Variants in GREP1 observed in about 807,000 individuals in gnomAD.
GREP1 encodes glycine-rich extracellular protein 1.
At chr16:2,996,379 A>AG (rs1351572066) in intron 18 of GREP1, 117 bp from the exon 18 acceptor site, 2 of 397,364 alleles carry the variant, frequency 5.0e-6, no homozygotes, top group East Asian at 3.6e-5. Context: ...TAGGCCTGGG[A>AG]GGGGGAGCCA....
At chr16:2,994,067 C>T (rs2072412304) in intron 10 of GREP1, 1 of 152,448 alleles carries the variant, frequency 6.6e-6, no homozygotes, top group African/African-American at 2.4e-5. Flanking sequence ...CACGCTGGGG[C>T]ATACAGTATG....
chr16:2,995,391 C>G, intron 14 of GREP1, 75 bp downstream of exon 15: 1 of 398,754 alleles, frequency 2.5e-6, no homozygotes, highest in Non-Finnish European at 4.4e-6. Context: ...CCACCTCCAT[C>G]TGTCCCCCAG....
rs2072398081 is a variant in GREP1 at position 2,991,292 on chromosome 16, C to T, written c.322+191C>T. On this transcript the variant is annotated intron_variant, in intron 8 of 34. Coordinates refer to ENST00000573315, the Ensembl canonical transcript of GREP1. This position sits in a 1 kb window ranked among gnomAD's most constrained non-coding sequence, Gnocchi z 4.9. ...AGCCAGGTGAGGCAGAGCCCTGCCC[C>T]GCCTTGCCCACTTATATCCAGGCGC... is the stretch of plus-strand genomic sequence containing the variant. 1.5e-5 allele frequency: 6 copies of T among 394,320 alleles called. No individual in the cohort carries two copies. Among genetic ancestry groups the T allele is most frequent in the Non-Finnish European group, 2.2e-5 (5 of 224,108 alleles). 24.4% of individuals were successfully genotyped at this position (394,320 alleles called of 1,614,324 possible). A position where few individuals can be genotyped will look rare whatever the true frequency, so the allele number is the denominator to read the frequency against.
At chr16:2,994,712 A>T in exon 11 of GREP1, 1 of 399,032 alleles carries the variant, frequency 2.5e-6, no homozygotes, top group Non-Finnish European at 4.4e-6. Context: ...CACCACTCAA[A>T]ATGGCTATAG....
In GREP1 at chr16:3,001,603, C is replaced by T. The variant is rs73484376; in HGVS notation, c.*17C>T. Reference sequence around the variant, plus strand: ...AAATGCTGAGCACTGCAATGCCCCTCGCCTGCCCAGCAAGGAAGACAGACC... The same window carrying T: ...AAATGCTGAGCACTGCAATGCCCCTTGCCTGCCCAGCAAGGAAGACAGACC... On this transcript the variant is annotated 3_prime_UTR_variant, in exon 35 of 35. Coordinates refer to ENST00000573315, the Ensembl canonical transcript of GREP1. 4.2e-3 allele frequency: 1,695 copies of T among 399,220 alleles called. 25 individuals carry two copies. Among genetic ancestry groups the T allele is most frequent in the African/African-American group, 0.031 (1,528 of 48,778 alleles). 24.7% of individuals were successfully genotyped at this position (399,220 alleles called of 1,614,324 possible). A position where few individuals can be genotyped will look rare whatever the true frequency, so the allele number is the denominator to read the frequency against.
chr16:2,992,030 CTT>C lies in GREP1; in HGVS notation c.323-773_323-772del, dbSNP rs1243950225. 2 of 152,732 alleles carry C rather than the reference CTT, an allele frequency of 1.3e-5. No homozygotes were observed. The highest frequency in any genetic ancestry group is 2.9e-5 in the Non-Finnish European group (2 of 68,388). 9.5% of individuals were successfully genotyped at this position (152,732 alleles called of 1,614,324 possible). The stretch of plus-strand genomic sequence containing the variant: ...ACCTCTGAAGACAGGTGTGCCTGCC[CTT>C]TCCTGTGTCCCTGTCCTCCACTCCC... On this transcript the variant is annotated intron_variant, in intron 8 of 34. Transcript: ENST00000573315. The surrounding 1 kb of genome is among the most constrained non-coding windows in gnomAD (Gnocchi z 4.9).
chr16:2,995,487 C>A (rs2072419970), intron 15 of GREP1, 132 bp from the exon 16 acceptor site: 2 of 398,892 alleles, frequency 5.0e-6, no homozygotes, highest in South Asian at 1.3e-4. Flanking sequence ...CCTCTCCCTG[C>A]CTCCCTTCCC....
At chr16:3,001,396 G>A (rs2072461693) in intron 34 of GREP1, 62 bp downstream of exon 28, 2 of 399,008 alleles carry the variant, frequency 5.0e-6, no homozygotes, top group African/African-American at 4.1e-5. Flanking sequence ...CACCCCTCCA[G>A]CCATACTGGG....
At chr16:2,994,215 A>G (rs1256024390) in intron 10 of GREP1, 1 of 152,310 alleles carries the variant, frequency 6.6e-6, no homozygotes, top group East Asian at 1.9e-4. Context: ...CTCCAGCAAG[A>G]TCTCAGACCT....
chr16:2,995,939 C>CT (rs1441267327), intron 18 of GREP1, 168 bp downstream of exon 17: 12,604 of 290,058 alleles, frequency 0.043, 405 homozygotes, highest in African/African-American at 0.15. Context: ...GGAGCCCAGG[C>CT]TTTTTTTTTT....
In GREP1 at chr16:2,993,001, CTA is replaced by C. The variant is rs560845099; in HGVS notation, c.385+40_385+41del. 4.2e-4 allele frequency: 167 copies of C among 398,996 alleles called. 1 individual carries two copies. The South Asian group carries it at 7.9e-3, about 19-fold the overall frequency. The allele number at this position is 398,996 out of a possible 1,614,324, so 24.7% of individuals were successfully genotyped here. ...CTGTCCCTGTCTCCCTGCCCATTTC[CTA>C]TGCATCTGCCGCTGCTTCCCTAGAG... On this transcript the variant is annotated intron_variant, in intron 10 of 34. Coordinates refer to ENST00000573315, the Ensembl canonical transcript of GREP1.
rs2072400433 is a variant in GREP1 at position 2,991,699 on chromosome 16, G to A, written c.322+598G>A. 1.3e-5 allele frequency: 2 copies of A among 152,584 alleles called. No individual in the cohort carries two copies. Among genetic ancestry groups the A allele is most frequent in the African/African-American group, 4.8e-5 (2 of 41,558 alleles). 9.5% of individuals were successfully genotyped at this position (152,584 alleles called of 1,614,324 possible). Reference sequence around the variant, plus strand: ...CCTCCCCAGGCACTCGTCCCTCTGTGGCCTGCCAATGCCATTCCTGTGGGT... The same window carrying A: ...CCTCCCCAGGCACTCGTCCCTCTGTAGCCTGCCAATGCCATTCCTGTGGGT... On this transcript the variant is annotated intron_variant, in intron 8 of 34. Coordinates refer to ENST00000573315, the Ensembl canonical transcript of GREP1. The surrounding 1 kb of genome is among the most constrained non-coding windows in gnomAD (Gnocchi z 4.9).
Position 2,995,334 on chromosome 16 carries a change from G to T in GREP1, c.517+18G>T, listed in dbSNP as rs1160617135. The T allele has an allele frequency of 2.5e-6, 1 of 398,796 alleles. No individual in the cohort carries two copies. Among genetic ancestry groups the T allele is most frequent in the Non-Finnish European group, 4.4e-6 (1 of 226,040 alleles). 24.7% of individuals were successfully genotyped at this position (398,796 alleles called of 1,614,324 possible). ...GGAGCCAGGTAAGCCTGGCTCTCCC[G>T]GGCTTCTGTCTCCCCAGTGTTCAGA... is the stretch of plus-strand genomic sequence containing the variant. On this transcript the variant is annotated intron_variant, in intron 14 of 34. Coordinates refer to ENST00000573315, the Ensembl canonical transcript of GREP1.
Position 2,989,317 on chromosome 16 carries a change from CTG to C in GREP1, c.101-205_101-204del, listed in dbSNP as rs1314535629. 3 of 395,502 alleles carry C rather than the reference CTG, an allele frequency of 7.6e-6. No individual in the cohort carries two copies. The highest frequency in any genetic ancestry group is 1.3e-5 in the Non-Finnish European group (3 of 224,580). The allele number at this position is 395,502 out of a possible 1,614,324, so 24.5% of individuals were successfully genotyped here. Reference sequence around the variant, plus strand: ...CTACCCTCCTGTGACAGCAGGGAAACTGAGACCTGGAAAGGGAGGTGGCATCC... The same window carrying C: ...CTACCCTCCTGTGACAGCAGGGAAACAGACCTGGAAAGGGAGGTGGCATCC... On this transcript the variant is annotated intron_variant, in intron 2 of 34. Coordinates refer to ENST00000573315, the Ensembl canonical transcript of GREP1. This position sits in a 1 kb window ranked among gnomAD's most constrained non-coding sequence, Gnocchi z 4.2.
exon 35 of GREP1, chr16:3,001,704 C>G (rs2072463084): frequency 2.5e-6 from 1 of 398,688 alleles, no homozygotes; most frequent in Non-Finnish European, 4.4e-6. Context: ...TCCCTGCTTG[C>G]CTCCGCGTGC....
intron 24 of GREP1, 44 bp from the exon 23 acceptor site, chr16:2,998,450 C>A (rs2072439485): frequency 1.8e-5 from 7 of 399,242 alleles, no homozygotes; most frequent in Non-Finnish European, 2.7e-5. Context: ...CTTCTAGCCT[C>A]TGCCCCCAGT....
intron 18 of GREP1, 142 bp from the exon 18 acceptor site, chr16:2,996,354 C>G (rs1451703826): frequency 2.5e-6 from 1 of 397,214 alleles, no homozygotes; most frequent in East Asian, 3.6e-5. Context: ...GTGGCTCTGC[C>G]TCTGTGTCTC....
chr16:2,998,268 G>A (rs1308352513), intron 23 of GREP1, 88 bp from the exon 22 acceptor site: 7 of 398,638 alleles, frequency 1.8e-5, no homozygotes, highest in Non-Finnish European at 2.2e-5. Context: ...AAAAGACGGG[G>A]CTAGGGGGAT....
At chr16:2,988,756 G>A (rs1049126633) in intron 2 of GREP1, 134 bp downstream of exon 2, 4 of 398,182 alleles carry the variant, frequency 1.0e-5, no homozygotes, top group Admixed American at 8.8e-5. Context: ...CGGGCAGGGA[G>A]TCTCATCAAG....
Sources: allele counts gnomAD v4.1 joint callset, GRCh38; gene constraint gnomAD v4.1.1; non-coding constraint Gnocchi (gnomAD v3.1); transcripts MANE v1.5; gene names NCBI Gene and HGNC (gene_info 2026-07-23, HGNC 2026-07-21).